The following HPS5 variants were observed in gnomAD, a reference collection of about 807,000 sequenced individuals.
HPS5 encodes the protein HPS5 biogenesis of lysosomal organelles complex 2 subunit 2.
Under a neutral mutation model 128.0 loss-of-function variants are expected in HPS5, and 83 were observed. That is an observed-to-expected ratio of 0.65 (90% confidence interval 0.54 to 0.78). The LOEUF is 0.78. Ranked by LOEUF, HPS5 falls within the 30% of genes least tolerant of loss-of-function variation. The pLI is 0.00. For missense variants in HPS5, 1,281 were observed against 1,326.2 expected, an observed-to-expected ratio of 0.97 and a Z score of 0.53; for synonymous variants, 475 against 470.2, an observed-to-expected ratio of 1.01 and a Z score of -0.13.
intron 10 of HPS5, among the ~76,000 whole-genome samples, chr11:18,298,448 T>C (rs1462549147): frequency 1.3e-5 from 2 of 151,812 alleles, no homozygotes; most frequent in African/African-American, 4.8e-5. Flanking sequence ...TGGGCCGAGA[T>C]TGCGCCACTG....
chr11:18,291,882 A>G lies in HPS5; in HGVS notation c.2000T>C (p.Met667Thr). Reference protein sequence around the residue: ...SGVSDTDNSSMKLNQDVLLVN... With the variant: ...SGVSDTDNSSTKLNQDVLLVN... ...TAATAGCACATCCTGGTTCAATTTC[A>G]TGGATGAGTTGTCAGTATCTGAAAC... is the stretch of plus-strand genomic sequence containing the variant. Residue 667 changes from methionine to threonine, a missense_variant, in exon 16 of 23, where the codon ATG becomes ACG. By Grantham distance (81) the Met-to-Thr change is moderately conservative (BLOSUM62 -1). Transcript: ENST00000349215. The G allele has an allele frequency of 6.2e-7, 1 of 1,606,934 alleles. No individual in the cohort carries two copies. Among genetic ancestry groups the G allele is most frequent in the Non-Finnish European group, 8.5e-7 (1 of 1,176,390 alleles).
chr11:18,303,530 C>G (rs1263192704), intron 8 of HPS5, among the ~76,000 whole-genome samples: 1 of 152,166 alleles, frequency 6.6e-6, no homozygotes, highest in Non-Finnish European at 1.5e-5. Context: ...CTTTAAATAG[C>G]TACAGCCAAA....
chr11:18,284,698 T>C (rs776628206), intron 20 of HPS5, among the ~76,000 whole-genome samples: 1 of 152,322 alleles, frequency 6.6e-6, no homozygotes, highest in Non-Finnish European at 1.5e-5. Context: ...CCTACCACTA[T>C]ACAAATTAGA....
intron 14 of HPS5, among the ~76,000 whole-genome samples, chr11:18,294,000 CA>C (rs1300833041): frequency 6.6e-6 from 1 of 152,148 alleles, no homozygotes; most frequent in Non-Finnish European, 1.5e-5. Context: ...TCTGACTGTC[CA>C]GATGCACTGG....
At chr11:18,306,062 A>G in intron 7 of HPS5, 73 bp downstream of exon 7, 1 of 1,076,346 alleles carries the variant, frequency 9.3e-7, no homozygotes, top group South Asian at 1.3e-5. Flanking sequence ...CACAGATAGA[A>G]TATCAGAGAT....
At chr11:18,294,844 C>G (rs1860858625) in intron 14 of HPS5, among the ~76,000 whole-genome samples, 176 bp downstream of exon 14, 1 of 151,050 alleles carries the variant, frequency 6.6e-6, no homozygotes, top group Non-Finnish European at 1.5e-5. Flanking sequence ...AAAAAAAAAT[C>G]ACAAAAAAAC....
rs1237153091 is a variant in HPS5, at chr11:18,322,095, T to C, written c.-199A>G. ...GCAGTACCTCGCAGCTCTCAGTAGATCGGATCTTGTCTCCCGGCTTAGCGC... is the reference window on the plus strand; with the variant it reads ...GCAGTACCTCGCAGCTCTCAGTAGACCGGATCTTGTCTCCCGGCTTAGCGC... On this transcript the variant is annotated 5_prime_UTR_variant, in exon 1 of 23. Transcript: ENST00000349215. 1 of 152,324 alleles carries C rather than the reference T, an allele frequency of 6.6e-6. No individual in the cohort carries two copies. The highest frequency in any genetic ancestry group is 6.5e-5 in the Admixed American group (1 of 15,282). 9.4% of individuals were successfully genotyped at this position (152,324 alleles called of 1,614,324 possible).
chr11:18,320,590 T>C (rs1392162979), intron 1 of HPS5, among the ~76,000 whole-genome samples: 2 of 152,226 alleles, frequency 1.3e-5, no homozygotes, highest in Admixed American at 6.5e-5. Flanking sequence ...AAACAATCCT[T>C]CTGTATTTGA....
At chr11:18,290,770 A>G (rs1257855769) in intron 16 of HPS5, among the ~76,000 whole-genome samples, 1 of 152,200 alleles carries the variant, frequency 6.6e-6, no homozygotes, top group East Asian at 1.9e-4. Context: ...AAAAAAATGA[A>G]GAAATCAGAG....
chr11:18,296,578 A>G (rs1407173478), intron 12 of HPS5: 4 of 631,210 alleles, frequency 6.3e-6, no homozygotes, highest in Non-Finnish European at 1.1e-5. Flanking sequence ...GATCAAAAAC[A>G]GGCCCTAATG....
At chr11:18,281,723 A>C (rs1267528794) in intron 22 of HPS5, among the ~76,000 whole-genome samples, 3 of 152,156 alleles carry the variant, frequency 2.0e-5, no homozygotes, top group Non-Finnish European at 4.4e-5. Flanking sequence ...TAATATTTTT[A>C]AAGAATCAAG....
At chr11:18,284,606 C>T (rs1859446439) in intron 20 of HPS5, among the ~76,000 whole-genome samples, 1 of 152,236 alleles carries the variant, frequency 6.6e-6, no homozygotes, top group African/African-American at 2.4e-5. Flanking sequence ...ATTCTACCAG[C>T]TTTCAAGGTC....
At position 18,291,927 on chromosome 11, in the gene HPS5, G is replaced by T; in HGVS notation, c.1955C>A (p.Ala652Asp). 1 of 1,609,170 alleles carries T rather than the reference G, an allele frequency of 6.2e-7. No individual in the cohort carries two copies. Among genetic ancestry groups the T allele is most frequent in the Non-Finnish European group, 8.5e-7 (1 of 1,178,636 alleles). Reference protein sequence around the residue: ...EWLSHLEKTFAMKDFSGVSDT... With the variant: ...EWLSHLEKTFDMKDFSGVSDT... ...TGAAACACCTGAAAAGTCCTTCATG[G>T]CAAATGTTTTTTCTAAATGTGAAAG... The change falls in exon 16 of 23, where the codon GCC becomes GAC. Residue 652 changes from alanine to aspartate, a missense_variant. Physicochemically the swap from Ala to Asp is moderately radical, Grantham distance 126. Transcript: ENST00000349215.
chr11:18,288,999 T>C (rs1860079710), intron 16 of HPS5, among the ~76,000 whole-genome samples: 1 of 152,024 alleles, frequency 6.6e-6, no homozygotes, highest in African/African-American at 2.4e-5. Context: ...TGTGTGTGTT[T>C]TTGTGTGTGT....
chr11:18,298,754 A>C, intron 10 of HPS5, 38 bp downstream of exon 10: 1 of 1,600,034 alleles, frequency 6.2e-7, no homozygotes, highest in Non-Finnish European at 8.6e-7. Flanking sequence ...GAGTTTCACC[A>C]ATCCATGGTA....
chr11:18,292,084 T>C lies in HPS5; in HGVS notation c.1863-65A>G, dbSNP rs189271023. The C allele has an allele frequency of 1.4e-4, 177 of 1,265,880 alleles. No homozygotes were observed. In the East Asian group the frequency reaches 3.9e-3, roughly 28 times the overall value. 78.4% of individuals were successfully genotyped at this position (1,265,880 alleles called of 1,614,324 possible). On this transcript the variant is annotated intron_variant, in intron 15 of 22. Transcript: ENST00000349215. ...GTTTTTCTTAAAACAAATTAATTCA[T>C]GCTAATAAATTAACCTAACCAATGT...
intron 16 of HPS5, among the ~76,000 whole-genome samples, chr11:18,289,923 G>A (rs1007954304): frequency 4.6e-5 from 7 of 152,086 alleles, no homozygotes; most frequent in African/African-American, 1.2e-4. Context: ...TAGATACTGC[G>A]GGCTATGCAC....
intron 22 of HPS5, among the ~76,000 whole-genome samples, 194 bp from the exon 23 acceptor site, chr11:18,280,136 G>C (rs1858684453): frequency 6.6e-6 from 1 of 152,188 alleles, no homozygotes; most frequent in South Asian, 2.1e-4. Flanking sequence ...TCTGATAAGA[G>C]GTTAATATCC....
At chr11:18,284,255 T>C (rs1859403203) in intron 20 of HPS5, among the ~76,000 whole-genome samples, 2 of 152,202 alleles carry the variant, frequency 1.3e-5, no homozygotes, top group Admixed American at 6.5e-5. Flanking sequence ...ATTCAATTTA[T>C]AAACTTTAAA....
Sources: gnomAD v4.1 joint callset for allele counts (sites outside exome capture counted in the v4.1 genomes callset) on GRCh38, gnomAD v4.1.1 for gene constraint, MANE v1.5 for transcripts, NCBI Gene and HGNC (gene_info 2026-07-23, HGNC 2026-07-21) for gene names.